The following SYN3 variants were observed in gnomAD, a reference collection of about 807,000 sequenced individuals.
SYN3 encodes synapsin III, also known as synapsin-3.
In SYN3, 35 loss-of-function variants were observed where a neutral mutation model predicts 65.8. That is an observed-to-expected ratio of 0.53 (90% CI 0.41 to 0.70). The LOEUF (loss-of-function observed/expected upper bound fraction) is 0.70, where lower values mean the gene tolerates loss of function less well. SYN3 is among the 30% of genes least tolerant of loss of function. The probability of loss-of-function intolerance (pLI) is 0.00; values close to 1 mark genes in which losing one functional copy is unlikely to be tolerated. For missense variants in SYN3, 680 were observed against 749.0 expected, an observed-to-expected ratio of 0.91 and a Z score of 1.08; for synonymous variants, 270 against 292.9, an observed-to-expected ratio of 0.92 and a Z score of 0.80.
chr22:32,615,326 T>G (rs2059500742), intron 6 of SYN3, among the ~76,000 whole-genome samples: 1 of 148,544 alleles, frequency 6.7e-6, no homozygotes, highest in Non-Finnish European at 1.5e-5. Flanking sequence ...TCCCAGCTAC[T>G]TGGGAGACTG....
intron 6 of SYN3, among the ~76,000 whole-genome samples, chr22:32,602,786 C>T (rs930792449): frequency 6.6e-6 from 1 of 152,112 alleles, no homozygotes. Flanking sequence ...ATAATAGCTG[C>T]ACCGTCTACA....
At chr22:32,688,957 A>G (rs1446154270) in intron 6 of SYN3, among the ~76,000 whole-genome samples, 1 of 152,240 alleles carries the variant, frequency 6.6e-6, no homozygotes, top group Non-Finnish European at 1.5e-5. Flanking sequence ...GGCCTTGGGC[A>G]ACCGACCTAA....
intron 6 of SYN3, among the ~76,000 whole-genome samples, chr22:32,676,296 G>C (rs1215874531): frequency 1.3e-5 from 2 of 152,128 alleles, no homozygotes. Context: ...GGAAGGGCCT[G>C]GGTATTTGGA....
In SYN3 at chr22:32,612,583, T is replaced by A. The variant is rs139206315; in HGVS notation, c.712-15847A>T. 4.6e-5 allele frequency among the ~76,000 whole-genome samples: 7 copies of A among 152,302 alleles called. No homozygotes were observed. The East Asian group carries it at 1.4e-3, about 29-fold the overall frequency. ...GAGGCCACGCATGGTGGCTCACGCC[T>A]GAAATCCCAACATTTTGGGAGGTCA... On this transcript the variant is annotated intron_variant, in intron 6 of 13. Coordinates refer to ENST00000358763, the MANE Select transcript of SYN3 (RefSeq NM_003490.4).
Position 32,801,522 on chromosome 22 carries a change from G to A in SYN3, c.711+63393C>T, listed in dbSNP as rs1457053273. Among the ~76,000 whole-genome samples the A allele has an allele frequency of 6.6e-6, 1 of 152,200 alleles. No individual in the cohort carries two copies. Among genetic ancestry groups the A allele is most frequent in the Non-Finnish European group, 1.5e-5 (1 of 68,032 alleles). On this transcript the variant is annotated intron_variant, in intron 6 of 13. Transcript: ENST00000358763. The surrounding 1 kb of genome is among the most constrained non-coding windows in gnomAD (Gnocchi z 4.7). ...CCCACGGCGGCATTATTCCCTATAA[G>A]GATCTGAACGATCCGGGGGCGGCCC...
chr22:32,738,616 G>A (rs1363081694), intron 6 of SYN3, among the ~76,000 whole-genome samples: 1 of 152,228 alleles, frequency 6.6e-6, no homozygotes, highest in African/African-American at 2.4e-5. Context: ...TTCACAGGCA[G>A]GGGTAGGTTT....
At chr22:32,634,757 T>C (rs1388669632) in intron 6 of SYN3, among the ~76,000 whole-genome samples, 1 of 152,172 alleles carries the variant, frequency 6.6e-6, no homozygotes, top group Non-Finnish European at 1.5e-5. Context: ...TTCCAGGCCC[T>C]TTCAGTGCTC....
intron 4 of SYN3, among the ~76,000 whole-genome samples, chr22:32,894,833 A>G: frequency 6.6e-6 from 1 of 152,224 alleles, no homozygotes; most frequent in East Asian, 1.9e-4. Context: ...CATAGAATAA[A>G]AAGCTGAGTA....
At chr22:32,964,676 G>A (rs879596067) in intron 3 of SYN3, among the ~76,000 whole-genome samples, 2 of 152,122 alleles carry the variant, frequency 1.3e-5, no homozygotes, top group African/African-American at 2.4e-5. Flanking sequence ...TTACACCTCA[G>A]GAGTTGCTGA....
At chr22:32,614,435 G>A (rs892628286) in intron 6 of SYN3, among the ~76,000 whole-genome samples, 3 of 152,188 alleles carry the variant, frequency 2.0e-5, no homozygotes, top group Non-Finnish European at 2.9e-5. Context: ...CACAGTGGAG[G>A]GATTTGATGG....
At chr22:32,690,131 G>A (rs983964277) in intron 6 of SYN3, among the ~76,000 whole-genome samples, 29 of 152,098 alleles carry the variant, frequency 1.9e-4, no homozygotes, top group Non-Finnish European at 2.2e-4. Flanking sequence ...AGCTGAGATC[G>A]TGCCACTGCA....
chr22:32,656,075 G>C (rs1029951860), intron 6 of SYN3, among the ~76,000 whole-genome samples: 10 of 152,334 alleles, frequency 6.6e-5, no homozygotes, highest in African/African-American at 2.2e-4. Context: ...CCTGCTGTGT[G>C]GTAGATGCAC....
intron 3 of SYN3, among the ~76,000 whole-genome samples, chr22:32,936,697 G>A (rs112473683): frequency 5.9e-5 from 9 of 152,278 alleles, no homozygotes; most frequent in African/African-American, 2.2e-4. Flanking sequence ...CAAATGGGTA[G>A]GTTACTCAAA....
intron 4 of SYN3, among the ~76,000 whole-genome samples, chr22:32,915,910 C>T (rs2050174543): frequency 6.6e-6 from 1 of 152,090 alleles, no homozygotes; most frequent in African/African-American, 2.4e-5. Flanking sequence ...ATTCTCTGGC[C>T]CTCCTTCCAC....
At chr22:32,821,568 T>A (rs554266798) in intron 6 of SYN3, among the ~76,000 whole-genome samples, 1 of 152,214 alleles carries the variant, frequency 6.6e-6, no homozygotes, top group Non-Finnish European at 1.5e-5. Context: ...GTCTTCAGGC[T>A]GGTTCTGAAA....
At chr22:32,787,616 A>G (rs2046227268) in intron 6 of SYN3, among the ~76,000 whole-genome samples, 1 of 152,232 alleles carries the variant, frequency 6.6e-6, no homozygotes. Context: ...AGCAGTGAAT[A>G]AGACAGGCAT....
At chr22:33,010,325 G>A (rs1416819273) in intron 1 of SYN3, among the ~76,000 whole-genome samples, 1 of 152,128 alleles carries the variant, frequency 6.6e-6, no homozygotes, top group African/African-American at 2.4e-5. Flanking sequence ...TTTCTGTTGA[G>A]GTCGGGGATC....
At chr22:32,914,210 G>A (rs1479104256) in intron 4 of SYN3, among the ~76,000 whole-genome samples, 3 of 152,206 alleles carry the variant, frequency 2.0e-5, no homozygotes, top group Admixed American at 6.5e-5. Context: ...GGATGAGCAT[G>A]CTTAGAACAG....
chr22:32,934,268 G>C (rs2050715000), intron 3 of SYN3, among the ~76,000 whole-genome samples: 2 of 152,114 alleles, frequency 1.3e-5, no homozygotes, highest in African/African-American at 4.8e-5. Context: ...CAGAATCTTG[G>C]AAGATAGAAT....
Sources: allele counts gnomAD v4.1 joint callset (sites outside exome capture counted in the v4.1 genomes callset), GRCh38; gene constraint gnomAD v4.1.1; non-coding constraint Gnocchi (gnomAD v3.1); transcripts MANE v1.5; gene names NCBI Gene and HGNC (gene_info 2026-07-23, HGNC 2026-07-21).